Variants in MINAR1 observed in about 807,000 individuals in gnomAD.
MINAR1 encodes the protein membrane integral NOTCH2 associated receptor 1.
Under a neutral mutation model 65.1 loss-of-function variants are expected in MINAR1, and 40 were observed. That is an observed-to-expected ratio of 0.61 (90% CI 0.48 to 0.80). MINAR1 has a LOEUF of 0.80. Ranked by LOEUF, MINAR1 falls within the 30% of genes least tolerant of loss-of-function variation. MINAR1 has a pLI of 0.00. For synonymous variants in MINAR1, 482 were observed against 449.1 expected, an observed-to-expected ratio of 1.07 and a Z score of -0.93; for missense variants, 1,128 against 1,148.0, an observed-to-expected ratio of 0.98 and a Z score of 0.25.
chr15:79,443,427 T>A (rs1282268476), intron 1 of MINAR1, among the ~76,000 whole-genome samples: 1 of 152,170 alleles, frequency 6.6e-6, no homozygotes, highest in Non-Finnish European at 1.5e-5. Context: ...GGGCAGCACA[T>A]CATATTGGGC....
the MINAR1 span, chr15:79,424,758 G>A: frequency 6.6e-6 from 1 of 152,148 alleles, no homozygotes; most frequent in South Asian, 2.1e-4. Context: ...TATTTACTGA[G>A]CCCCTACTGT....
the MINAR1 span, chr15:79,425,003 AAGG>A: frequency 3.3e-5 from 5 of 152,106 alleles, no homozygotes; most frequent in Non-Finnish European, 7.4e-5. Flanking sequence ...TTGTCGTAAA[AAGG>A]AGGAGTCATG....
At chr15:79,458,896 T>C (rs768348935) in intron 2 of MINAR1, among the ~76,000 whole-genome samples, 4 of 152,188 alleles carry the variant, frequency 2.6e-5, no homozygotes, top group Admixed American at 2.0e-4. Flanking sequence ...CCTTTTTAAG[T>C]ATGAGGTTTT....
In MINAR1 at chr15:79,458,080, G is replaced by A; in HGVS notation, c.1933G>A (p.Asp645Asn). The A allele has an allele frequency of 3.7e-6, 6 of 1,614,182 alleles. No individual in the cohort carries two copies. Among genetic ancestry groups the A allele is most frequent in the Non-Finnish European group, 5.1e-6 (6 of 1,180,040 alleles). ...QQPEKVSVQI[D>N]LNSLTSEGPS... The stretch of plus-strand genomic sequence containing the variant: ...GCCTGAGAAGGTGAGTGTGCAGATA[G>A]ATCTGAACTCCTTGACAAGCGAGGG... The change falls in exon 2 of 4, where the codon GAT (aspartate) becomes AAT (asparagine). Residue 645 changes from aspartate to asparagine, a missense_variant. Physicochemically the swap from Asp to Asn is conservative, Grantham distance 23 (BLOSUM62 1). Coordinates refer to ENST00000305428, the MANE Select transcript of MINAR1 (RefSeq NM_015206.3).
Position 79,463,316 on chromosome 15 carries a change from C to A in MINAR1, c.2548C>A (p.Leu850Met). The A allele has an allele frequency of 6.2e-7, 1 of 1,611,956 alleles. No individual in the cohort carries two copies. The highest frequency in any genetic ancestry group is 1.1e-5 in the South Asian group (1 of 91,014). Reference protein sequence around the residue: ...GDKGKLTALDLQTQESLNPNN... With the variant: ...GDKGKLTALDMQTQESLNPNN... ...CAAGGGCAAGCTGACAGCCCTGGAC[C>A]TGCAGGTGAGCCTCTCACTGTCCCT... is the stretch of plus-strand genomic sequence containing the variant. The change falls in exon 3 of 4, where the codon CTG becomes ATG. Residue 850 changes from leucine to methionine, a missense_variant. By Grantham distance (15) the Leu-to-Met change is conservative. Coordinates refer to ENST00000305428, the MANE Select transcript of MINAR1 (RefSeq NM_015206.3).
chr15:79,442,923 AAT>A (rs1387086889), intron 1 of MINAR1, among the ~76,000 whole-genome samples: 1 of 152,174 alleles, frequency 6.6e-6, no homozygotes, highest in Non-Finnish European at 1.5e-5. Context: ...TAAAGAAAAG[AAT>A]ATGATATAGT....
At chr15:79,448,142 C>A (rs1312976424) in intron 1 of MINAR1, among the ~76,000 whole-genome samples, 1 of 152,214 alleles carries the variant, frequency 6.6e-6, no homozygotes, top group East Asian at 1.9e-4. Context: ...TCTTATCCAG[C>A]ATTTTGAGGT....
Position 79,457,550 on chromosome 15 carries a change from G to A in MINAR1, c.1403G>A (p.Ser468Asn). 1 of 1,614,184 alleles carries A rather than the reference G, an allele frequency of 6.2e-7. No individual in the cohort carries two copies. Among genetic ancestry groups the A allele is most frequent in the Non-Finnish European group, 8.5e-7 (1 of 1,180,032 alleles). The change falls in exon 2 of 4, where the codon AGC becomes AAC. Residue 468 changes from serine (S) to asparagine (N), a missense_variant. By Grantham distance (46) the Ser-to-Asn change is conservative (BLOSUM62 1). Coordinates refer to ENST00000305428, the MANE Select transcript of MINAR1 (RefSeq NM_015206.3). ...KSINCTSGQL[S>N]SDTSSVGTQT... ...ATTAACTGCACCAGTGGGCAGCTCAGCTCAGACACCAGTAGCGTGGGCACC... is the reference window on the plus strand; with the variant it reads ...ATTAACTGCACCAGTGGGCAGCTCAACTCAGACACCAGTAGCGTGGGCACC...
Position 79,468,188 on chromosome 15 carries a change from C to G in MINAR1, c.2555C>G (p.Thr852Arg). Residue 852 changes from threonine (T) to arginine (R), a missense_variant and splice_region_variant, in exon 4 of 4, where the codon ACG becomes AGG. Transcript: ENST00000305428. ...CTAACATCTTCTCTTCGCTTTTAGACGCAAGAATCTTTAAACCCAAATAAT... is the reference window on the plus strand; with the variant it reads ...CTAACATCTTCTCTTCGCTTTTAGAGGCAAGAATCTTTAAACCCAAATAAT... ...KGKLTALDLQ[T>R]QESLNPNNLE... The G allele has an allele frequency of 6.2e-7, 1 of 1,612,070 alleles. No homozygotes were observed. Among genetic ancestry groups the G allele is most frequent in the Non-Finnish European group, 8.5e-7 (1 of 1,178,398 alleles).
chr15:79,469,861 A>G lies in MINAR1; in HGVS notation c.*1477A>G, dbSNP rs1388132102. The G allele has an allele frequency of 1.3e-5, 2 of 152,502 alleles. No individual in the cohort carries two copies. The highest frequency in any genetic ancestry group is 2.9e-5 in the Non-Finnish European group (2 of 68,028). 9.4% of individuals were successfully genotyped at this position (152,502 alleles called of 1,614,324 possible). ...TTGGTAGCAAGTGTAATCACTCCGT[A>G]TGATATAATAAATTTCTAAAAGATT... On this transcript the variant is annotated 3_prime_UTR_variant, in exon 4 of 4. Transcript: ENST00000305428.
chr15:79,468,103 G>A (rs1895939901), intron 3 of MINAR1, 84 bp from the exon 4 acceptor site: 2 of 1,074,614 alleles, frequency 1.9e-6, no homozygotes, highest in Admixed American at 2.1e-5. Flanking sequence ...CAACTTAAGT[G>A]CTTCAGGAGT....
rs1895997461 is a variant in MINAR1, at chr15:79,469,529, TTATC to T, written c.*1149_*1152del. ...CAAAAAATATTATCTGTTTAACCAC[TTATC>T]TATATGTCTATCTATCTATCTATAT... On this transcript the variant is annotated 3_prime_UTR_variant, in exon 4 of 4. Transcript: ENST00000305428. The T allele has an allele frequency of 6.6e-6, 1 of 152,488 alleles. No homozygotes were observed. Among genetic ancestry groups the T allele is most frequent in the Non-Finnish European group, 1.5e-5 (1 of 68,036 alleles). 9.4% of individuals were successfully genotyped at this position (152,488 alleles called of 1,614,324 possible).
Position 79,458,055 on chromosome 15 carries a change from G to A in MINAR1, c.1908G>A (p.Gln636=). The change falls in exon 2 of 4, where the codon CAG becomes CAA. Residue 636 remains glutamine, a synonymous_variant. Transcript: ENST00000305428. ...KLNKLDQKMQ[Q]PEKVSVQIDL... is the part of the protein sequence containing the mutation. Reference sequence around the variant, plus strand: ...ATAAATTGGACCAGAAAATGCAACAGCCTGAGAAGGTGAGTGTGCAGATAG... The same window carrying A: ...ATAAATTGGACCAGAAAATGCAACAACCTGAGAAGGTGAGTGTGCAGATAG... 6.2e-7 allele frequency: 1 copy of A among 1,614,154 alleles called. No homozygotes were observed. The highest frequency in any genetic ancestry group is 8.5e-7 in the Non-Finnish European group (1 of 1,180,020).
At chr15:79,413,140 C>A in the MINAR1 span, 1 of 152,320 alleles carries the variant, frequency 6.6e-6, no homozygotes, top group Non-Finnish European at 1.5e-5. Flanking sequence ...AGCAAGAACT[C>A]TGAAAACACA....
At chr15:79,431,672 C>A (rs950351152), upstream of MINAR1, among the ~76,000 whole-genome samples, 1 of 152,230 alleles carries the variant, frequency 6.6e-6, no homozygotes, top group Admixed American at 6.5e-5. Context: ...CCGAGTGCTC[C>A]CTGGGAAGAG....
intron 1 of MINAR1, among the ~76,000 whole-genome samples, chr15:79,450,226 G>C (rs1329068128): frequency 6.6e-6 from 1 of 152,190 alleles, no homozygotes; most frequent in African/African-American, 2.4e-5. Context: ...TTAGGCTGGA[G>C]TTCACTGTGG....
chr15:79,449,039 G>A (rs182181598), intron 1 of MINAR1, among the ~76,000 whole-genome samples: 9 of 152,140 alleles, frequency 5.9e-5, no homozygotes, highest in Non-Finnish European at 1.0e-4. Context: ...AATGAACAAG[G>A]TGCCACAGGG....
At chr15:79,430,865 CT>C (rs1419031040), upstream of MINAR1, among the ~76,000 whole-genome samples, 2 of 152,104 alleles carry the variant, frequency 1.3e-5, no homozygotes, top group Admixed American at 1.3e-4. Flanking sequence ...AGCAAGTTCA[CT>C]TTTGTTTGCT....
chr15:79,451,890 A>G (rs1394853665), intron 1 of MINAR1, among the ~76,000 whole-genome samples: 2 of 152,200 alleles, frequency 1.3e-5, no homozygotes, highest in Non-Finnish European at 1.5e-5. Flanking sequence ...TTAGCCCCCA[A>G]AATATGCATG....
Sources: allele counts gnomAD v4.1 joint callset (sites outside exome capture counted in the v4.1 genomes callset), GRCh38; gene constraint gnomAD v4.1.1; transcripts MANE v1.5; gene names NCBI Gene and HGNC (gene_info 2026-07-23, HGNC 2026-07-21).